Variants in CNTN6 observed in about 807,000 individuals in gnomAD.
CNTN6 encodes contactin 6, also known as contactin-6.
Under a neutral mutation model 122.8 loss-of-function variants are expected in CNTN6, and 137 were observed. The ratio of observed to expected loss-of-function variants is 1.12; its 90% confidence interval spans 0.97 to 1.29. The LOEUF (loss-of-function observed/expected upper bound fraction) is 1.29. Ranked by LOEUF, CNTN6 falls within the 50% of genes most tolerant of loss-of-function variation. The probability of loss-of-function intolerance (pLI) is 0.00; values close to 1 mark genes in which losing one functional copy is unlikely to be tolerated. For synonymous variants in CNTN6, 570 were observed against 426.0 expected (o/e 1.34, Z -4.16); for missense variants, 1,634 against 1,223.4 (o/e 1.34, Z -5.01).
chr3:1,293,194 C>G (rs1047367859), intron 5 of CNTN6, among the ~76,000 whole-genome samples: 3 of 152,060 alleles, frequency 2.0e-5, no homozygotes, highest in Non-Finnish European at 4.4e-5. Flanking sequence ...TTTGCTCCTC[C>G]CCACTATTAA....
intron 2 of CNTN6, among the ~76,000 whole-genome samples, chr3:1,155,799 C>A (rs538765686): frequency 6.6e-6 from 1 of 152,180 alleles, no homozygotes; most frequent in South Asian, 2.1e-4. Flanking sequence ...GCCTCTCCCC[C>A]CAAGACATTT....
At chr3:1,186,059 G>T (rs1353249832) in intron 2 of CNTN6, among the ~76,000 whole-genome samples, 1 of 152,080 alleles carries the variant, frequency 6.6e-6, no homozygotes, top group African/African-American at 2.4e-5. Context: ...TGATGGAAGT[G>T]TTTATTGTTT....
intron 20 of CNTN6, among the ~76,000 whole-genome samples, chr3:1,395,342 G>A (rs60575162): frequency 0.019 from 2,906 of 152,216 alleles, 102 homozygotes; most frequent in African/African-American, 0.067. Context: ...GTTTCACTGG[G>A]TAGAAATCCA....
intron 5 of CNTN6, among the ~76,000 whole-genome samples, chr3:1,292,583 G>A (rs1695510677): frequency 1.3e-5 from 2 of 152,234 alleles, no homozygotes; most frequent in East Asian, 1.9e-4. Context: ...TGATTCTAAT[G>A]TACATCAGGT....
Position 1,227,884 on chromosome 3 carries a change from T to C in CNTN6, c.249T>C (p.Ser83=). ...MSYHYRLDGG[S]LAINSPHTDQ... Reference sequence around the variant, plus strand: ...ATCACTACAGGTTGGATGGAGGCAGTCTTGCAATCAATAGCCCCCACACAG... The same window carrying C: ...ATCACTACAGGTTGGATGGAGGCAGCCTTGCAATCAATAGCCCCCACACAG... Residue 83 remains serine (S), a synonymous_variant, in exon 4 of 23, where the codon AGT becomes AGC. Coordinates refer to ENST00000446702, the MANE Select transcript of CNTN6 (RefSeq NM_001289080.2). 5 of 1,614,088 alleles carry C rather than the reference T, an allele frequency of 3.1e-6. No individual in the cohort carries two copies. Among genetic ancestry groups the C allele is most frequent in the African/African-American group, 1.3e-5 (1 of 75,016 alleles).
rs994841107 is a variant in CNTN6, at chr3:1,329,954, T to A, written c.1364+19T>A. The stretch of plus-strand genomic sequence containing the variant: ...GCAAAAGGTAAACAAATCTTTATTT[T>A]TAAAAATATTTTTGTTTGTAATATA... On this transcript the variant is annotated intron_variant, in intron 11 of 22. Transcript: ENST00000446702. 1.3e-6 allele frequency: 2 copies of A among 1,502,194 alleles called. No homozygotes were observed. Among genetic ancestry groups the A allele is most frequent in the African/African-American group, 2.9e-5 (2 of 69,168 alleles). 93.1% of individuals were successfully genotyped at this position (1,502,194 alleles called of 1,614,324 possible). A position where few individuals can be genotyped will look rare whatever the true frequency, so the allele number is the denominator to read the frequency against.
intron 2 of CNTN6, among the ~76,000 whole-genome samples, chr3:1,170,854 C>A (rs1375179141): frequency 2.0e-5 from 3 of 152,188 alleles, no homozygotes; most frequent in Non-Finnish European, 4.4e-5. Flanking sequence ...AAGTTACAAA[C>A]CTTGCTTAGC....
intron 11 of CNTN6, among the ~76,000 whole-genome samples, chr3:1,335,091 G>T (rs1182152296): frequency 1.3e-5 from 2 of 152,128 alleles, no homozygotes; most frequent in Non-Finnish European, 2.9e-5. Flanking sequence ...CTGGGTTAAA[G>T]TCCCAACTCT....
intron 4 of CNTN6, among the ~76,000 whole-genome samples, chr3:1,272,158 C>T (rs1162887196): frequency 6.6e-6 from 1 of 152,222 alleles, no homozygotes; most frequent in African/African-American, 2.4e-5. Flanking sequence ...TATAGGGCCT[C>T]CTGAGCCATG....
intron 1 of CNTN6, among the ~76,000 whole-genome samples, chr3:1,140,142 T>C (rs942951124): frequency 6.6e-6 from 1 of 152,242 alleles, no homozygotes; most frequent in African/African-American, 2.4e-5. Flanking sequence ...AAGTATTTCT[T>C]GTCACCTTTT....
Position 1,403,368 on chromosome 3 carries a change from T to C in CNTN6, c.3037T>C (p.Ser1013Pro), listed in dbSNP as rs774347357. The change falls in exon 23 of 23, where the codon TCC (serine) becomes CCC (proline). Residue 1013 changes from serine (S) to proline (P), a missense_variant. Ser to Pro is a moderately conservative substitution (Grantham distance 74). Coordinates refer to ENST00000446702, the MANE Select transcript of CNTN6 (RefSeq NM_001289080.2). ...QFLEPSTHFL[S>P]IVIVIFHCFA... is the part of the protein sequence containing the mutation. ...CTTAGAACCTAGCACCCATTTTCTT[T>C]CCATTGTCATTGTGATTTTTCACTG... 3.7e-6 allele frequency: 6 copies of C among 1,611,804 alleles called. No homozygotes were observed. The highest frequency in any genetic ancestry group is 4.2e-6 in the Non-Finnish European group (5 of 1,178,848).
At chr3:1,108,767 A>C (rs1466414091) in intron 1 of CNTN6, among the ~76,000 whole-genome samples, 2 of 152,084 alleles carry the variant, frequency 1.3e-5, no homozygotes, top group Non-Finnish European at 1.5e-5. Context: ...GTATATAAAA[A>C]TTAACTAACT....
At chr3:1,250,458 TGAA>T (rs2094646828) in intron 4 of CNTN6, among the ~76,000 whole-genome samples, 1 of 152,056 alleles carries the variant, frequency 6.6e-6, no homozygotes, top group Non-Finnish European at 1.5e-5. Context: ...ACAGCTGGAG[TGAA>T]GAAGGTGTCT....
At chr3:1,341,039 A>G (rs961986902) in intron 11 of CNTN6, among the ~76,000 whole-genome samples, 1 of 152,118 alleles carries the variant, frequency 6.6e-6, no homozygotes, top group African/African-American at 2.4e-5. Flanking sequence ...GAAATCACAC[A>G]ATAGGTTCAT....
At chr3:1,323,416 G>T (rs1701128398) in intron 8 of CNTN6, among the ~76,000 whole-genome samples, 1 of 151,626 alleles carries the variant, frequency 6.6e-6, no homozygotes, top group Non-Finnish European at 1.5e-5. Flanking sequence ...GCCTGAAATG[G>T]TCCTTGTAGG....
intron 4 of CNTN6, among the ~76,000 whole-genome samples, chr3:1,275,809 GC>G (rs1278519334): frequency 4.6e-5 from 7 of 152,020 alleles, no homozygotes; most frequent in African/African-American, 1.7e-4. Context: ...CTAACAGGGG[GC>G]AGAGCTCAGG....
chr3:1,295,193 G>A (rs1208915359), intron 5 of CNTN6, among the ~76,000 whole-genome samples: 4 of 152,182 alleles, frequency 2.6e-5, no homozygotes, highest in South Asian at 2.1e-4. Context: ...ACAAGTACCT[G>A]TAAGTATGTT....
At chr3:1,351,270 G>A (rs1394607278) in intron 11 of CNTN6, among the ~76,000 whole-genome samples, 4 of 151,922 alleles carry the variant, frequency 2.6e-5, no homozygotes, top group East Asian at 1.9e-4. Context: ...ACAACGATAT[G>A]TTTGCAATGC....
chr3:1,203,094 G>C (rs1424966849), intron 2 of CNTN6, among the ~76,000 whole-genome samples: 1 of 152,110 alleles, frequency 6.6e-6, no homozygotes, highest in Non-Finnish European at 1.5e-5. Flanking sequence ...GGTTTTATCA[G>C]ACAATAATTT....
Sources: allele counts gnomAD v4.1 joint callset (sites outside exome capture counted in the v4.1 genomes callset), GRCh38; gene constraint gnomAD v4.1.1; transcripts MANE v1.5; gene names NCBI Gene and HGNC (gene_info 2026-07-23, HGNC 2026-07-21).